Variants in ST3GAL3 observed in about 807,000 individuals in gnomAD.
The protein encoded by ST3GAL3 is ST3 beta-galactoside alpha-2,3-sialyltransferase 3, also known as CMP-N-acetylneuraminate-beta-1,4-galactoside alpha-2,3-sialyltransferase.
Under a neutral mutation model 50.1 loss-of-function variants are expected in ST3GAL3, and 21 were observed. That is an observed-to-expected ratio of 0.42 (90% confidence interval 0.30 to 0.60). The LOEUF (loss-of-function observed/expected upper bound fraction) is 0.60. Ranked by LOEUF, ST3GAL3 falls within the 20% of genes least tolerant of loss-of-function variation. The pLI is 0.19. For missense variants in ST3GAL3, 353 were observed against 489.4 expected (o/e 0.72, Z 2.63); for synonymous variants, 183 against 190.0 (o/e 0.96, Z 0.30).
chr1:43,754,879 G>A (rs1687473232), intron 2 of ST3GAL3, among the ~76,000 whole-genome samples: 1 of 151,610 alleles, frequency 6.6e-6, no homozygotes, highest in Non-Finnish European at 1.5e-5. Flanking sequence ...GAGTTTGTGA[G>A]GTCAAGGCTG....
At chr1:43,789,757 C>G (rs955287566) in intron 2 of ST3GAL3, among the ~76,000 whole-genome samples, 3 of 152,002 alleles carry the variant, frequency 2.0e-5, no homozygotes, top group Admixed American at 6.6e-5. Flanking sequence ...ACCTGTAGTC[C>G]TAGCTGTTGA....
At chr1:43,863,592 A>G (rs1454355521) in intron 5 of ST3GAL3, among the ~76,000 whole-genome samples, 1 of 152,196 alleles carries the variant, frequency 6.6e-6, no homozygotes, top group South Asian at 2.1e-4. Flanking sequence ...TGCTTCTGCA[A>G]TTCGGAGATC....
intron 3 of ST3GAL3, among the ~76,000 whole-genome samples, chr1:43,792,878 G>A (rs2058253032): frequency 6.6e-6 from 1 of 152,200 alleles, no homozygotes; most frequent in South Asian, 2.1e-4. Context: ...CCCTATGGGA[G>A]CCTCAGAATG....
At chr1:43,801,336 G>C in intron 3 of ST3GAL3, 1 of 456,284 alleles carries the variant, frequency 2.2e-6, no homozygotes, top group Non-Finnish European at 4.4e-6. Flanking sequence ...AAAAAAGGAA[G>C]TGGGTCACTC....
In ST3GAL3 at chr1:43,899,680, T is replaced by C; in HGVS notation, c.697T>C (p.Trp233Arg). 1.9e-6 allele frequency: 3 copies of C among 1,614,142 alleles called. No homozygotes were observed. The highest frequency in any genetic ancestry group is 2.5e-6 in the Non-Finnish European group (3 of 1,180,042). Residue 233 changes from tryptophan (W) to arginine (R), a missense_variant, in exon 9 of 12, where the codon TGG becomes CGG. Trp to Arg is a moderately radical substitution (Grantham distance 101, BLOSUM62 -3). Coordinates refer to ENST00000347631, the MANE Select transcript of ST3GAL3 (RefSeq NM_006279.5). The surrounding 1 kb of genome is among the most constrained non-coding windows in gnomAD (Gnocchi z 5.4). The stretch of plus-strand genomic sequence containing the variant: ...TCTCTTTGTCCTCGCCGGCTTCAAG[T>C]GGCAGGACTTTAAGTGGTTGAAATA... ...DSLFVLAGFK[W>R]QDFKWLKYIV...
At position 43,876,809 on chromosome 1, in the gene ST3GAL3, C is replaced by G. The variant is rs530842375; in HGVS notation, c.303-17574C>G. Among the ~76,000 whole-genome samples, 16 of 152,300 alleles carry G rather than the reference C, an allele frequency of 1.1e-4. No homozygotes were observed. In the East Asian group the frequency reaches 1.2e-3, roughly 11 times the overall value. Reference sequence around the variant, plus strand: ...AGTTATGGTTGTGACAGGTCCCTATCCAGTGGGCAGGGCCCATTGTTGTAG... The same window carrying G: ...AGTTATGGTTGTGACAGGTCCCTATGCAGTGGGCAGGGCCCATTGTTGTAG... On this transcript the variant is annotated intron_variant, in intron 5 of 11. Transcript: ENST00000347631.
chr1:43,781,676 G>GAT (rs1699402417), intron 2 of ST3GAL3, among the ~76,000 whole-genome samples: 1 of 152,034 alleles, frequency 6.6e-6, no homozygotes. Flanking sequence ...AAAACAGAAG[G>GAT]ATATGTGACA....
In ST3GAL3 at chr1:43,813,895, GCA is replaced by G. The variant is rs371983204; in HGVS notation, c.167-990_167-989del. 2.8e-3 allele frequency among the ~76,000 whole-genome samples: 270 copies of G among 97,856 alleles called. 2 individuals are homozygous for G. The highest frequency in any genetic ancestry group is 0.014 in the South Asian group (45 of 3,154). The allele number at this position is 97,856 out of a possible 152,430, so 64.2% of individuals were successfully genotyped here. On this transcript the variant is annotated intron_variant, in intron 3 of 11. Transcript: ENST00000347631. ...CACACACACACACACACACACACAC[GCA>G]CACACGCACACACACACACACACAC...
intron 4 of ST3GAL3, among the ~76,000 whole-genome samples, chr1:43,835,159 GAGA>G (rs1344647601): frequency 6.6e-6 from 1 of 152,302 alleles, no homozygotes; most frequent in African/African-American, 2.4e-5. Context: ...TGCAGAGTAG[GAGA>G]AGAACAAGGG....
At chr1:43,843,467 T>C (rs2065748665) in intron 5 of ST3GAL3, among the ~76,000 whole-genome samples, 1 of 152,260 alleles carries the variant, frequency 6.6e-6, no homozygotes. Context: ...GGTGTATTGT[T>C]CTTTTTACAC....
chr1:43,917,237 AT>A (rs898290754), intron 9 of ST3GAL3, among the ~76,000 whole-genome samples: 9 of 151,492 alleles, frequency 5.9e-5, no homozygotes, highest in Middle Eastern at 3.4e-3. Context: ...GGTTAAAAAA[AT>A]AATAACTTGT....
intron 5 of ST3GAL3, among the ~76,000 whole-genome samples, chr1:43,892,574 C>T (rs1325038188): frequency 6.6e-6 from 1 of 151,816 alleles, no homozygotes; most frequent in South Asian, 2.1e-4. Flanking sequence ...TAACACGATA[C>T]AGGTTGCACA....
intron 9 of ST3GAL3, among the ~76,000 whole-genome samples, chr1:43,902,086 T>A (rs1180386797): frequency 6.6e-6 from 1 of 152,252 alleles, no homozygotes; most frequent in African/African-American, 2.4e-5. Context: ...CCCTGGCATC[T>A]GAGACCCAGG....
At chr1:43,917,831 G>T (rs1296146552) in intron 9 of ST3GAL3, among the ~76,000 whole-genome samples, 1 of 147,074 alleles carries the variant, frequency 6.8e-6, no homozygotes, top group East Asian at 2.0e-4. Context: ...ACCACACCTG[G>T]CTAATTTTTG....
intron 2 of ST3GAL3, among the ~76,000 whole-genome samples, chr1:43,787,528 T>C (rs1312182095): frequency 1.3e-5 from 2 of 152,212 alleles, no homozygotes; most frequent in Non-Finnish European, 2.9e-5. Context: ...TTTAAAAACT[T>C]ACACAAAACA....
chr1:43,710,797 C>T (rs190379775), intron 1 of ST3GAL3, among the ~76,000 whole-genome samples: 1 of 152,258 alleles, frequency 6.6e-6, no homozygotes, highest in African/African-American at 2.4e-5. Context: ...CTTATCTGTA[C>T]TTTTTCTTCC....
chr1:43,879,452 C>A (rs906916652), intron 5 of ST3GAL3: 1 of 456,064 alleles, frequency 2.2e-6, no homozygotes, highest in Admixed American at 2.3e-5. Flanking sequence ...TGCACATTGA[C>A]CATCATAGTG....
At chr1:43,929,496 G>T (rs112670968) in intron 11 of ST3GAL3, among the ~76,000 whole-genome samples, 5,076 of 152,088 alleles carry the variant, frequency 0.033, 317 homozygotes, top group African/African-American at 0.12. Context: ...TAGAAACAGG[G>T]TTTCACCATG....
At chr1:43,926,457 C>T (rs1239759123) in intron 11 of ST3GAL3, among the ~76,000 whole-genome samples, 2 of 152,194 alleles carry the variant, frequency 1.3e-5, no homozygotes, top group African/African-American at 2.4e-5. Context: ...GGTGTGGTGG[C>T]GCATGCCTGT....
Sources: allele counts gnomAD v4.1 joint callset (sites outside exome capture counted in the v4.1 genomes callset), GRCh38; gene constraint gnomAD v4.1.1; non-coding constraint Gnocchi (gnomAD v3.1); transcripts MANE v1.5; gene names NCBI Gene and HGNC (gene_info 2026-07-23, HGNC 2026-07-21).